Variants in ATXN7 observed in about 807,000 individuals in gnomAD.
ATXN7 encodes ataxin-7.
ATXN7 carries 12 observed loss-of-function variants against 70.5 expected under a neutral mutation model. The observed-to-expected ratio is 0.17, with a 90% CI of 0.11 to 0.28. The LOEUF is 0.28. Among genes scored for constraint, ATXN7 ranks in the 10% least tolerant of loss-of-function variants. ATXN7 has a pLI of 1.00. For missense variants in ATXN7, 1,256 were observed against 1,131.7 expected (o/e 1.11, Z -1.58); for synonymous variants, 498 against 448.7 (o/e 1.11, Z -1.39).
chr3:63,939,095 T>G (rs1349339803), intron 4 of ATXN7, among the ~76,000 whole-genome samples: 1 of 152,172 alleles, frequency 6.6e-6, no homozygotes. Context: ...GATGATGGCT[T>G]CTTTGGTATC....
At position 64,002,371 on chromosome 3, in the gene ATXN7, G is replaced by A. The variant is rs2075841939; in HGVS notation, c.*2904G>A. 1 of 152,562 alleles carries A rather than the reference G, an allele frequency of 6.6e-6. No homozygotes were observed. 9.5% of individuals were successfully genotyped at this position (152,562 alleles called of 1,614,324 possible). A position where few individuals can be genotyped will look rare whatever the true frequency, so the allele number is the denominator to read the frequency against. ...CTTTGTCCCTTTTAGTGTCTCGGGA[G>A]TGGATTCATACAGATGAAGTGGGCA... On this transcript the variant is annotated 3_prime_UTR_variant, in exon 13 of 13. Coordinates refer to ENST00000674280, the MANE Select transcript of ATXN7 (RefSeq NM_001377405.1).
In ATXN7 at chr3:63,988,471, AAAAG is replaced by A. The variant is rs776020241; in HGVS notation, c.1361+148_1361+151del. 38 of 1,158,782 alleles carry A rather than the reference AAAAG, an allele frequency of 3.3e-5. 1 individual carries two copies. The highest frequency in any genetic ancestry group is 4.4e-5 in the Non-Finnish European group (37 of 833,452). The allele number at this position is 1,158,782 out of a possible 1,614,324, so 71.8% of individuals were successfully genotyped here. ...TTAAGGAGTTTTACTATGAAAAAAA[AAAAG>A]GAAAGGTTGAGTTCAGTAAGTTTCA... On this transcript the variant is annotated intron_variant, in intron 9 of 12. Transcript: ENST00000674280.
intron 1 of ATXN7, among the ~76,000 whole-genome samples, chr3:63,877,250 C>A (rs1305574109): frequency 6.6e-6 from 1 of 152,008 alleles, no homozygotes; most frequent in Admixed American, 6.6e-5. Flanking sequence ...TTACAGAAAT[C>A]ATAAGTGTTT....
At chr3:63,986,280 G>A (rs2075576915) in intron 8 of ATXN7, among the ~76,000 whole-genome samples, 1 of 152,220 alleles carries the variant, frequency 6.6e-6, no homozygotes, top group Admixed American at 6.5e-5. Context: ...GGGTTCCGGA[G>A]CCTAGTTATG....
At position 63,961,581 on chromosome 3, in the gene ATXN7, T is replaced by TTA. The variant is rs933601410; in HGVS notation, c.499+9109_499+9110dup. ...TGTGAGTTTCTGGCAATATCTATCT[T>TTA]TATATATATATAAATTGTTTATAAT... is the stretch of plus-strand genomic sequence containing the variant. On this transcript the variant is annotated intron_variant, in intron 5 of 12. Transcript: ENST00000674280. Among the ~76,000 whole-genome samples the TTA allele has an allele frequency of 4.4e-3, 676 of 152,148 alleles. 4 individuals carry two copies. The highest frequency in any genetic ancestry group is 0.015 in the African/African-American group (641 of 41,532).
intron 5 of ATXN7, among the ~76,000 whole-genome samples, chr3:63,970,652 G>A (rs1436654450): frequency 2.0e-5 from 3 of 152,154 alleles, no homozygotes; most frequent in African/African-American, 7.2e-5. Context: ...GTCCTTTTGG[G>A]AAGAATTCCT....
At chr3:63,955,808 G>A (rs2075029946) in intron 5 of ATXN7, among the ~76,000 whole-genome samples, 1 of 152,158 alleles carries the variant, frequency 6.6e-6, no homozygotes, top group Non-Finnish European at 1.5e-5. Context: ...ATATCCATCT[G>A]TGACTTTTAT....
At chr3:63,916,542 A>C (rs1033324189) in intron 4 of ATXN7, among the ~76,000 whole-genome samples, 3 of 152,176 alleles carry the variant, frequency 2.0e-5, no homozygotes, top group Admixed American at 2.0e-4. Flanking sequence ...AGACTACCCA[A>C]GGGTTAATGC....
intron 8 of ATXN7, among the ~76,000 whole-genome samples, chr3:63,983,625 A>C (rs1276296819): frequency 6.6e-6 from 1 of 152,138 alleles, no homozygotes; most frequent in African/African-American, 2.4e-5. Context: ...AGAGAAAAAA[A>C]AAACTAGATA....
intron 2 of ATXN7, among the ~76,000 whole-genome samples, chr3:63,908,464 A>G (rs1703912374): frequency 6.6e-6 from 1 of 152,202 alleles, no homozygotes. Context: ...ACACATTCCT[A>G]ATTTAGTGGA....
intron 4 of ATXN7, among the ~76,000 whole-genome samples, chr3:63,936,302 C>T (rs951604202): frequency 2.0e-5 from 3 of 152,056 alleles, no homozygotes; most frequent in African/African-American, 7.2e-5. Context: ...GCTATCTCAC[C>T]TGGTTGAAAC....
At chr3:63,891,616 C>A (rs1324083284) in intron 1 of ATXN7, among the ~76,000 whole-genome samples, 1 of 152,222 alleles carries the variant, frequency 6.6e-6, no homozygotes, top group East Asian at 1.9e-4. Flanking sequence ...AGCCATCACA[C>A]CTGGCTTACA....
In ATXN7 at chr3:63,885,425, A is replaced by C. The variant is rs534659834; in HGVS notation, c.-110-12974A>C. 5.9e-5 allele frequency among the ~76,000 whole-genome samples: 9 copies of C among 152,334 alleles called. No homozygotes were observed. The South Asian group carries it at 1.9e-3, about 32-fold the overall frequency. ...TCACTCCTGTTAGAATGGCTATTCA[A>C]AAAGACAGAAGATAACAAGTATTGG... On this transcript the variant is annotated intron_variant, in intron 1 of 12. Transcript: ENST00000674280.
intron 1 of ATXN7, among the ~76,000 whole-genome samples, chr3:63,876,063 C>G (rs1702740471): frequency 6.6e-6 from 1 of 152,152 alleles, no homozygotes; most frequent in African/African-American, 2.4e-5. Context: ...TTGATAAGCA[C>G]TAGTCAAAAA....
intron 4 of ATXN7, among the ~76,000 whole-genome samples, chr3:63,940,640 C>A (rs1342570794): frequency 6.6e-6 from 1 of 152,128 alleles, no homozygotes; most frequent in African/African-American, 2.4e-5. Context: ...CAGATATAGA[C>A]CGCAACTTTT....
chr3:63,979,825 T>G, intron 5 of ATXN7, 90 bp from the exon 6 acceptor site: 1 of 1,560,920 alleles, frequency 6.4e-7, no homozygotes, highest in Non-Finnish European at 8.7e-7. Flanking sequence ...TGTTTTAACC[T>G]GAATATATTG....
chr3:63,928,162 G>A (rs187739208), intron 4 of ATXN7, among the ~76,000 whole-genome samples: 1 of 152,112 alleles, frequency 6.6e-6, no homozygotes, highest in African/African-American at 2.4e-5. Context: ...AAGGCTGAGC[G>A]CAGTGGCTCA....
intron 5 of ATXN7, among the ~76,000 whole-genome samples, chr3:63,973,168 C>A (rs951407420): frequency 9.2e-5 from 14 of 152,192 alleles, no homozygotes; most frequent in African/African-American, 3.1e-4. Context: ...ACCCACATAT[C>A]CCTGACTCTA....
intron 4 of ATXN7, among the ~76,000 whole-genome samples, chr3:63,933,016 A>C (rs539871907): frequency 5.3e-5 from 8 of 152,324 alleles, no homozygotes; most frequent in African/African-American, 1.9e-4. Context: ...ACAGTCCTAC[A>C]GTTATTTTTA....
Sources: allele counts gnomAD v4.1 joint callset (sites outside exome capture counted in the v4.1 genomes callset), GRCh38; gene constraint gnomAD v4.1.1; transcripts MANE v1.5; gene names NCBI Gene and HGNC (gene_info 2026-07-23, HGNC 2026-07-21).